Variants in MACROD2 observed in about 807,000 individuals in gnomAD.
MACROD2 encodes the protein mono-ADP ribosylhydrolase 2.
MACROD2 carries 36 observed loss-of-function variants against 70.4 expected under a neutral mutation model. That is an observed-to-expected ratio of 0.51 (90% CI 0.39 to 0.68). The LOEUF is 0.68. Ranked by LOEUF, MACROD2 falls within the 30% of genes least tolerant of loss-of-function variation. MACROD2 has a pLI of 0.00. For synonymous variants in MACROD2, 172 were observed against 178.8 expected, an observed-to-expected ratio of 0.96 and a Z score of 0.30; for missense variants, 496 against 538.4, an observed-to-expected ratio of 0.92 and a Z score of 0.78.
chr20:15,601,764 C>T (rs1452166629), intron 8 of MACROD2, among the ~76,000 whole-genome samples: 1 of 152,202 alleles, frequency 6.6e-6, no homozygotes, highest in Non-Finnish European at 1.5e-5. Flanking sequence ...TGTGGTGGCT[C>T]ACGCCTGTAA....
intron 4 of MACROD2, among the ~76,000 whole-genome samples, chr20:14,548,963 G>A (rs1351554375): frequency 6.6e-6 from 1 of 152,148 alleles, no homozygotes; most frequent in Non-Finnish European, 1.5e-5. Context: ...TGAGAGCACT[G>A]GAGGACATGA....
intron 5 of MACROD2, among the ~76,000 whole-genome samples, chr20:15,058,400 A>G (rs574219715): frequency 6.6e-6 from 1 of 152,198 alleles, no homozygotes; most frequent in Non-Finnish European, 1.5e-5. Context: ...TAGGGTTGCC[A>G]GATACAATAC....
At chr20:14,610,000 C>T (rs775093000) in intron 4 of MACROD2, among the ~76,000 whole-genome samples, 4 of 152,122 alleles carry the variant, frequency 2.6e-5, no homozygotes, top group Admixed American at 1.3e-4. Context: ...ATGTATACCG[C>T]AGGGTTTTAC....
intron 3 of MACROD2, among the ~76,000 whole-genome samples, chr20:14,376,884 A>G (rs1392280706): frequency 6.6e-6 from 1 of 151,878 alleles, no homozygotes; most frequent in African/African-American, 2.4e-5. Flanking sequence ...AAAGTTACCT[A>G]ACCTCCCTGA....
Position 13,995,850 on chromosome 20 carries a change from G to GGGGTT in MACROD2, c.46+41_46+42insGGGTT. ...AGTCCTGGGGGTGCGGGCGGTGGGG[G>GGGGTT]TTAGGGTGGGGGCGGGGGTCAGGCT... On this transcript the variant is annotated intron_variant, in intron 1 of 17. Coordinates refer to ENST00000684519, the MANE Select transcript of MACROD2 (RefSeq NM_001351661.2). This position sits in a 1 kb window ranked among gnomAD's most constrained non-coding sequence, Gnocchi z 4.3. 1 of 505,098 alleles carries GGGGTT rather than the reference G, an allele frequency of 2.0e-6. No individual in the cohort carries two copies. Among genetic ancestry groups the GGGGTT allele is most frequent in the Non-Finnish European group, 3.8e-6 (1 of 266,318 alleles). The allele number at this position is 505,098 out of a possible 1,614,324, so 31.3% of individuals were successfully genotyped here.
intron 3 of MACROD2, among the ~76,000 whole-genome samples, chr20:14,235,537 C>A (rs6110208): frequency 6.6e-6 from 1 of 151,920 alleles, no homozygotes. Flanking sequence ...ATTTTTTGCC[C>A]TTAAAATGCC....
chr20:14,517,033 A>G (rs556875160), intron 4 of MACROD2, among the ~76,000 whole-genome samples: 10 of 152,252 alleles, frequency 6.6e-5, no homozygotes, highest in Non-Finnish European at 1.3e-4. Flanking sequence ...AAAAGTCAGG[A>G]AAGAACAGAT....
intron 5 of MACROD2, among the ~76,000 whole-genome samples, chr20:14,841,729 G>A (rs2073089733): frequency 6.6e-6 from 1 of 151,962 alleles, no homozygotes; most frequent in Non-Finnish European, 1.5e-5. Context: ...GTAAACTTGA[G>A]TTTTCTTTTA....
intron 3 of MACROD2, among the ~76,000 whole-genome samples, chr20:14,264,098 G>A (rs1352529583): frequency 6.6e-6 from 1 of 151,944 alleles, no homozygotes; most frequent in Non-Finnish European, 1.5e-5. Context: ...AAGAATGGTT[G>A]AAGGAACCGA....
chr20:15,379,876 G>A (rs900847216), intron 6 of MACROD2, among the ~76,000 whole-genome samples: 5 of 152,114 alleles, frequency 3.3e-5, no homozygotes, highest in African/African-American at 9.7e-5. Context: ...ATGACACATA[G>A]AATAAAGTCC....
chr20:14,011,919 T>C (rs188709777), intron 2 of MACROD2, among the ~76,000 whole-genome samples: 1 of 151,998 alleles, frequency 6.6e-6, no homozygotes, highest in Non-Finnish European at 1.5e-5. Flanking sequence ...GACTTTTCTT[T>C]TTTTTTAAAG....
intron 8 of MACROD2, among the ~76,000 whole-genome samples, chr20:15,687,138 T>A (rs957422463): frequency 2.0e-5 from 3 of 151,416 alleles, no homozygotes; most frequent in African/African-American, 7.3e-5. Context: ...TCTCTGGGAC[T>A]CCAGCCCAGG....
intron 8 of MACROD2, among the ~76,000 whole-genome samples, chr20:15,829,683 G>T (rs1691775135): frequency 6.6e-6 from 1 of 152,092 alleles, no homozygotes; most frequent in Non-Finnish European, 1.5e-5. Context: ...CATTCAAAAA[G>T]CATATGAAGT....
chr20:14,560,480 A>T (rs1407733904), intron 4 of MACROD2, among the ~76,000 whole-genome samples: 41 of 152,040 alleles, frequency 2.7e-4, no homozygotes, highest in Non-Finnish European at 1.2e-4. Context: ...AAGAAAGTAC[A>T]GCCTATTTCT....
chr20:15,737,971 A>G lies in MACROD2; in HGVS notation c.646-124774A>G, dbSNP rs1227815889. Among the ~76,000 whole-genome samples the G allele has an allele frequency of 3.0e-4, 45 of 152,116 alleles. 1 individual carries two copies. The highest frequency in any genetic ancestry group is 2.9e-5 in the Non-Finnish European group (2 of 68,020). On this transcript the variant is annotated intron_variant, in intron 8 of 17. Transcript: ENST00000684519. ...CAAAACACAGGTAGACAGACAGGTAAATATATAGATTAAAAGAGAGCTAAA... is the reference window on the plus strand; with the variant it reads ...CAAAACACAGGTAGACAGACAGGTAGATATATAGATTAAAAGAGAGCTAAA...
At chr20:14,690,988 G>A (rs1246246790) in intron 5 of MACROD2, among the ~76,000 whole-genome samples, 1 of 152,152 alleles carries the variant, frequency 6.6e-6, no homozygotes, top group Non-Finnish European at 1.5e-5. Flanking sequence ...CGCGATCTTG[G>A]CTCACTGCAA....
intron 3 of MACROD2, among the ~76,000 whole-genome samples, chr20:14,487,816 CTTTAT>C (rs2123092432): frequency 6.6e-6 from 1 of 152,168 alleles, no homozygotes; most frequent in Non-Finnish European, 1.5e-5. Flanking sequence ...CTTCCTATAT[CTTTAT>C]TAAGACTGAG....
At chr20:14,230,506 A>T (rs1601377738) in intron 3 of MACROD2, among the ~76,000 whole-genome samples, 3 of 150,852 alleles carry the variant, frequency 2.0e-5, no homozygotes, top group South Asian at 4.2e-4. Context: ...TTTAGGGTTC[A>T]CTTCTAATTC....
chr20:15,902,451 C>T (rs1367230242), intron 10 of MACROD2, among the ~76,000 whole-genome samples: 1 of 152,018 alleles, frequency 6.6e-6, no homozygotes, highest in Non-Finnish European at 1.5e-5. Flanking sequence ...AATTATTTAT[C>T]TATTGCTGCC....
Sources: allele counts gnomAD v4.1 joint callset (sites outside exome capture counted in the v4.1 genomes callset), GRCh38; gene constraint gnomAD v4.1.1; non-coding constraint Gnocchi (gnomAD v3.1); transcripts MANE v1.5; gene names NCBI Gene and HGNC (gene_info 2026-07-23, HGNC 2026-07-21).